The following PRKN variants were observed in gnomAD, a reference collection of about 807,000 sequenced individuals.
The protein encoded by PRKN is parkin RBR E3 ubiquitin protein ligase, also known as E3 ubiquitin-protein ligase parkin.
Under a neutral mutation model 59.5 loss-of-function variants are expected in PRKN, and 56 were observed. The observed-to-expected ratio is 0.94, with a 90% CI of 0.76 to 1.18. PRKN has a LOEUF of 1.18. Ranked by LOEUF, PRKN falls within the 50% of genes most tolerant of loss-of-function variation. The probability of loss-of-function intolerance (pLI) is 0.00; values close to 1 mark genes in which losing one functional copy is unlikely to be tolerated. For synonymous variants in PRKN, 250 were observed against 222.1 expected, an observed-to-expected ratio of 1.13 and a Z score of -1.12; for missense variants, 657 against 596.4, an observed-to-expected ratio of 1.10 and a Z score of -1.06.
chr6:161,371,186 C>T lies in PRKN; in HGVS notation c.1168-10981G>A, dbSNP rs1022297541. ...TATTTTGTTATTTTTTTTTTTGAGA[C>T]GTTGTTTCGCTCCTGTTGCCCAGGC... On this transcript the variant is annotated intron_variant, in intron 10 of 11. Transcript: ENST00000366898. This position sits in a 1 kb window ranked among gnomAD's most constrained non-coding sequence, Gnocchi z 5.5. Among the ~76,000 whole-genome samples, 6 of 150,688 alleles carry T rather than the reference C, an allele frequency of 4.0e-5. No homozygotes were observed. Among genetic ancestry groups the T allele is most frequent in the Non-Finnish European group, 7.4e-5 (5 of 67,766 alleles).
chr6:162,287,539 G>A (rs1781248983), intron 2 of PRKN, among the ~76,000 whole-genome samples: 2 of 152,094 alleles, frequency 1.3e-5, no homozygotes, highest in Non-Finnish European at 2.9e-5. Flanking sequence ...CTGCACTCCA[G>A]CCCGGGCAAC....
At chr6:162,265,662 C>T (rs1780097025) in intron 2 of PRKN, among the ~76,000 whole-genome samples, 1 of 152,172 alleles carries the variant, frequency 6.6e-6, no homozygotes, top group South Asian at 2.1e-4. Flanking sequence ...CTGCACTGCA[C>T]TGCACAGAGC....
chr6:161,491,928 G>A (rs190455983), intron 9 of PRKN, among the ~76,000 whole-genome samples: 143 of 152,250 alleles, frequency 9.4e-4, no homozygotes, highest in African/African-American at 3.2e-3. Flanking sequence ...CACCGTGCCC[G>A]GCCTATGACT....
intron 2 of PRKN, among the ~76,000 whole-genome samples, chr6:162,335,812 G>A (rs1409794230): frequency 6.6e-6 from 1 of 151,930 alleles, no homozygotes; most frequent in African/African-American, 2.4e-5. Flanking sequence ...TACACAACTG[G>A]TAAGTCCATG....
chr6:162,515,008 G>C (rs1777785139), intron 1 of PRKN, among the ~76,000 whole-genome samples: 1 of 151,666 alleles, frequency 6.6e-6, no homozygotes, highest in Admixed American at 6.6e-5. Context: ...TAGACAACTA[G>C]AGACTCTCCT....
At chr6:162,570,267 C>T (rs1780266278) in intron 1 of PRKN, among the ~76,000 whole-genome samples, 1 of 152,102 alleles carries the variant, frequency 6.6e-6, no homozygotes, top group Admixed American at 6.6e-5. Flanking sequence ...ATTATCTCAC[C>T]CCAGGTAAAA....
At chr6:162,117,323 C>T (rs1244137811) in intron 4 of PRKN, among the ~76,000 whole-genome samples, 5 of 152,206 alleles carry the variant, frequency 3.3e-5, no homozygotes, top group African/African-American at 1.2e-4. Flanking sequence ...AGCAGTCTGA[C>T]ATATGCTTGC....
intron 6 of PRKN, among the ~76,000 whole-genome samples, chr6:161,938,032 G>C (rs1779419551): frequency 6.6e-6 from 1 of 152,036 alleles, no homozygotes; most frequent in Non-Finnish European, 1.5e-5. Flanking sequence ...AAAATAATTG[G>C]ACAACCTAGG....
chr6:161,553,781 A>G (rs1360468647), intron 8 of PRKN, among the ~76,000 whole-genome samples: 1 of 152,206 alleles, frequency 6.6e-6, no homozygotes, highest in African/African-American at 2.4e-5. Context: ...AACTCAATGC[A>G]GTGATTTCCT....
At chr6:161,995,459 C>T (rs1032313281) in intron 5 of PRKN, among the ~76,000 whole-genome samples, 13 of 151,984 alleles carry the variant, frequency 8.6e-5, no homozygotes, top group African/African-American at 2.7e-4. Flanking sequence ...AGGAAACAAT[C>T]AACAGAAACA....
Position 162,106,506 on chromosome 6 carries a change from C to T in PRKN, c.535-52332G>A, listed in dbSNP as rs182518301. Among the ~76,000 whole-genome samples, 38 of 150,092 alleles carry T rather than the reference C, an allele frequency of 2.5e-4. No individual in the cohort carries two copies. The East Asian group carries it at 6.1e-3, about 24-fold the overall frequency. On this transcript the variant is annotated intron_variant, in intron 4 of 11. Transcript: ENST00000366898. Reference sequence around the variant, plus strand: ...AACCAAGCAGTTGAAATAACCTAAACATTTCAACTTCATTAATATCTATTT... The same window carrying T: ...AACCAAGCAGTTGAAATAACCTAAATATTTCAACTTCATTAATATCTATTT...
intron 6 of PRKN, among the ~76,000 whole-genome samples, chr6:161,811,335 C>G (rs1468830100): frequency 1.3e-5 from 2 of 152,086 alleles, no homozygotes; most frequent in Non-Finnish European, 2.9e-5. Context: ...GTTCACCTGG[C>G]AAAATGAAAG....
At chr6:162,369,040 A>G (rs1785607854) in intron 2 of PRKN, among the ~76,000 whole-genome samples, 1 of 152,144 alleles carries the variant, frequency 6.6e-6, no homozygotes, top group African/African-American at 2.4e-5. Flanking sequence ...ATTTTTGCCC[A>G]TTTCCTTCGT....
intron 6 of PRKN, among the ~76,000 whole-genome samples, chr6:161,811,875 T>A (rs1324480126): frequency 1.3e-5 from 2 of 151,726 alleles, no homozygotes; most frequent in Non-Finnish European, 2.9e-5. Context: ...TGAGTTGAGA[T>A]CGTGTCTTTG....
intron 2 of PRKN, among the ~76,000 whole-genome samples, chr6:162,339,840 C>G (rs1369037515): frequency 6.7e-6 from 1 of 148,832 alleles, no homozygotes; most frequent in Non-Finnish European, 1.5e-5. Context: ...GACCTTACCC[C>G]CAACCCTGTG....
chr6:161,828,145 C>G (rs1369099116), intron 6 of PRKN, among the ~76,000 whole-genome samples: 1 of 152,138 alleles, frequency 6.6e-6, no homozygotes, highest in Non-Finnish European at 1.5e-5. Context: ...ATTTACCACA[C>G]AACTTGTGAG....
chr6:162,488,738 GC>G (rs1434782959), intron 1 of PRKN, among the ~76,000 whole-genome samples: 2 of 152,142 alleles, frequency 1.3e-5, no homozygotes, highest in African/African-American at 2.4e-5. Context: ...GTTGGAAAAG[GC>G]CCCGACGCAT....
chr6:162,004,091 T>C (rs1307081928), intron 5 of PRKN, among the ~76,000 whole-genome samples: 1 of 152,130 alleles, frequency 6.6e-6, no homozygotes, highest in African/African-American at 2.4e-5. Context: ...TCATATTGAA[T>C]TGTAATCCCC....
chr6:161,634,987 G>A (rs150472782), intron 7 of PRKN, among the ~76,000 whole-genome samples: 57 of 152,290 alleles, frequency 3.7e-4, no homozygotes, highest in Non-Finnish European at 7.2e-4. Flanking sequence ...GGCCAGGACA[G>A]TGATGTTGAA....
Sources: allele counts gnomAD v4.1 joint callset (sites outside exome capture counted in the v4.1 genomes callset), GRCh38; gene constraint gnomAD v4.1.1; non-coding constraint Gnocchi (gnomAD v3.1); transcripts MANE v1.5; gene names NCBI Gene and HGNC (gene_info 2026-07-23, HGNC 2026-07-21).